The following NPR3 variants were observed in gnomAD, a reference collection of about 807,000 sequenced individuals.
NPR3 encodes the protein natriuretic peptide receptor 3, also known as atrial natriuretic peptide receptor 3.
NPR3 carries 34 observed loss-of-function variants against 54.5 expected under a neutral mutation model. The observed-to-expected ratio is 0.62, with a 90% CI of 0.47 to 0.83. NPR3 has a LOEUF of 0.83. Among genes scored for constraint, NPR3 ranks in the 40% least tolerant of loss-of-function variants. The pLI is 0.00. For synonymous variants in NPR3, 289 were observed against 297.1 expected, an observed-to-expected ratio of 0.97 and a Z score of 0.28; for missense variants, 674 against 720.8, an observed-to-expected ratio of 0.94 and a Z score of 0.74.
intron 1 of NPR3, among the ~76,000 whole-genome samples, chr5:32,722,020 C>T (rs931414782): frequency 6.6e-6 from 1 of 152,140 alleles, no homozygotes; most frequent in Non-Finnish European, 1.5e-5. Context: ...ACCAAAGGCC[C>T]CATCTCCAAA....
At chr5:32,780,410 A>G (rs557342578) in intron 4 of NPR3, among the ~76,000 whole-genome samples, 1 of 152,352 alleles carries the variant, frequency 6.6e-6, no homozygotes, top group South Asian at 2.1e-4. Flanking sequence ...AAAAATTAAT[A>G]CAAAACTCTG....
chr5:32,752,449 A>C (rs895064923), intron 3 of NPR3, among the ~76,000 whole-genome samples: 1 of 152,180 alleles, frequency 6.6e-6, no homozygotes, highest in African/African-American at 2.4e-5. Context: ...AATGGGAGAA[A>C]TAAAATGAAG....
In NPR3 at chr5:32,784,839, G is replaced by A; in HGVS notation, c.1470G>A (p.Gly490=). The A allele has an allele frequency of 3.1e-6, 5 of 1,613,796 alleles. No individual in the cohort carries two copies. Among genetic ancestry groups the A allele is most frequent in the Non-Finnish European group, 4.2e-6 (5 of 1,179,802 alleles). Reference sequence around the variant, plus strand: ...CGGCAGTGACAGGAATTGTCGTGGGGGCTTTACTAGGAGCTGGCTTGCTAA... The same window carrying A: ...CGGCAGTGACAGGAATTGTCGTGGGAGCTTTACTAGGAGCTGGCTTGCTAA... ...EESAVTGIVV[G]ALLGAGLLMA... Residue 490 remains glycine (G), a synonymous_variant, in exon 7 of 8, where the codon GGG becomes GGA. Coordinates refer to ENST00000265074, the MANE Select transcript of NPR3 (RefSeq NM_001204375.2).
intron 1 of NPR3, among the ~76,000 whole-genome samples, chr5:32,693,817 G>A (rs1394146305): frequency 1.3e-5 from 2 of 152,108 alleles, no homozygotes; most frequent in Admixed American, 6.5e-5. Flanking sequence ...TGAGTATTGA[G>A]TACATTAGTA....
In NPR3 at chr5:32,750,340, C is replaced by T. The variant is rs1740514070; in HGVS notation, c.1059+11310C>T. ...TAGTAGAGACAGGGTTTCACCATGT[C>T]GGTCAGGCTTGTCTCCAACTCCCGA... On this transcript the variant is annotated intron_variant, in intron 3 of 7. Coordinates refer to ENST00000265074, the MANE Select transcript of NPR3 (RefSeq NM_001204375.2). 3.3e-5 allele frequency among the ~76,000 whole-genome samples: 5 copies of T among 151,990 alleles called. No homozygotes were observed. The South Asian group carries it at 6.2e-4, about 19-fold the overall frequency.
intron 6 of NPR3, 166 bp downstream of exon 6, chr5:32,783,194 G>A: frequency 1.9e-6 from 1 of 539,262 alleles, no homozygotes; most frequent in Middle Eastern, 4.8e-4. Context: ...CATCTTTCAG[G>A]TCTTCCTTCC....
intron 7 of NPR3, among the ~76,000 whole-genome samples, chr5:32,785,612 C>T (rs960305995): frequency 4.6e-5 from 7 of 152,148 alleles, no homozygotes; most frequent in East Asian, 3.9e-4. Context: ...GGGAGCTTTG[C>T]GTAGCCCATG....
intron 1 of NPR3, among the ~76,000 whole-genome samples, chr5:32,715,257 A>G (rs1211573368): frequency 1.3e-5 from 2 of 152,234 alleles, no homozygotes; most frequent in African/African-American, 4.8e-5. Context: ...TGCAACTGAC[A>G]GTATTTTTGC....
intron 3 of NPR3, among the ~76,000 whole-genome samples, chr5:32,741,614 T>C (rs1302036550): frequency 6.6e-6 from 1 of 152,210 alleles, no homozygotes; most frequent in East Asian, 1.9e-4. Flanking sequence ...TAGATTACCA[T>C]ACTGCTTCCC....
intron 5 of NPR3, among the ~76,000 whole-genome samples, chr5:32,782,369 G>T (rs1742381029): frequency 6.6e-6 from 1 of 152,146 alleles, no homozygotes; most frequent in African/African-American, 2.4e-5. Context: ...GTCCCTGAAA[G>T]TAACTTGGGC....
intron 3 of NPR3, among the ~76,000 whole-genome samples, chr5:32,759,136 TG>T (rs1467288986): frequency 6.6e-6 from 1 of 152,212 alleles, no homozygotes; most frequent in Non-Finnish European, 1.5e-5. Flanking sequence ...GGTGCAGAGC[TG>T]AGTTCAAGTC....
At chr5:32,700,936 G>A (rs1005830668) in intron 1 of NPR3, among the ~76,000 whole-genome samples, 13 of 152,108 alleles carry the variant, frequency 8.5e-5, no homozygotes, top group African/African-American at 3.1e-4. Context: ...TGGGTCAAAT[G>A]GTATTTCTAG....
At chr5:32,748,858 A>G (rs1390346916) in intron 3 of NPR3, among the ~76,000 whole-genome samples, 1 of 152,142 alleles carries the variant, frequency 6.6e-6, no homozygotes, top group Non-Finnish European at 1.5e-5. Flanking sequence ...TTAAAATGGG[A>G]TGTGGCTCTT....
chr5:32,745,634 T>C (rs1194398953), intron 3 of NPR3, among the ~76,000 whole-genome samples: 1 of 152,174 alleles, frequency 6.6e-6, no homozygotes, highest in Non-Finnish European at 1.5e-5. Context: ...ATTATGTGTC[T>C]CAGGCTCTAC....
Position 32,711,960 on chromosome 5 carries a change from G to A in NPR3, c.184G>A (p.Asp62Asn). 1 of 1,588,358 alleles carries A rather than the reference G, an allele frequency of 6.3e-7. No homozygotes were observed. Among genetic ancestry groups the A allele is most frequent in the Non-Finnish European group, 8.6e-7 (1 of 1,166,952 alleles). ...KIEVLVLLPQ[D>N]DSYLFSLTRV... is the part of the protein sequence containing the mutation. ...CGAGGTGCTGGTGTTACTGCCCCAGGATGACTCGTACTTGTTTTCACTCAC... is the reference window on the plus strand; with the variant it reads ...CGAGGTGCTGGTGTTACTGCCCCAGAATGACTCGTACTTGTTTTCACTCAC... Residue 62 changes from aspartate (D) to asparagine (N), a missense_variant, in exon 1 of 8, where the codon GAT (aspartate) becomes AAT (asparagine). Asp to Asn is a conservative substitution (Grantham distance 23). Coordinates refer to ENST00000265074, the MANE Select transcript of NPR3 (RefSeq NM_001204375.2).
intron 3 of NPR3, among the ~76,000 whole-genome samples, chr5:32,739,419 T>G (rs1356046552): frequency 2.0e-5 from 3 of 152,210 alleles, no homozygotes; most frequent in Non-Finnish European, 4.4e-5. Flanking sequence ...GCATGCCTAA[T>G]TTTTTCAAAG....
At chr5:32,713,548 C>T in intron 1 of NPR3, 1 of 858,282 alleles carries the variant, frequency 1.2e-6, no homozygotes, top group Non-Finnish European at 1.4e-6. Context: ...CTCTGCTCCC[C>T]CTTGGCGCTC....
chr5:32,710,315 G>A (rs1738142530), upstream of NPR3: 1 of 160,124 alleles, frequency 6.2e-6, no homozygotes, highest in Non-Finnish European at 1.4e-5. Flanking sequence ...AGGTTGGAGG[G>A]GAGCGTGTGT....
chr5:32,742,836 A>C (rs1429876453), intron 3 of NPR3, among the ~76,000 whole-genome samples: 1 of 152,226 alleles, frequency 6.6e-6, no homozygotes, highest in Non-Finnish European at 1.5e-5. Context: ...CACATCAAGC[A>C]TCAAGGTTTG....
Sources: gnomAD v4.1 joint callset for allele counts (sites outside exome capture counted in the v4.1 genomes callset) on GRCh38, gnomAD v4.1.1 for gene constraint, MANE v1.5 for transcripts, NCBI Gene and HGNC (gene_info 2026-07-23, HGNC 2026-07-21) for gene names.